ST7: variants seen among roughly 807,000 people sequenced by gnomAD.
ST7 encodes the protein suppression of tumorigenicity 7.
ST7 carries 28 observed loss-of-function variants against 78.7 expected under a neutral mutation model. That is an observed-to-expected ratio of 0.36 (90% CI 0.26 to 0.49). ST7 has a LOEUF of 0.49. ST7 is among the 20% of genes least tolerant of loss of function. The probability of loss-of-function intolerance (pLI) is 0.99; values close to 1 mark genes in which losing one functional copy is unlikely to be tolerated. For synonymous variants in ST7, 247 were observed against 249.6 expected, an observed-to-expected ratio of 0.99 and a Z score of 0.10; for missense variants, 418 against 696.0, an observed-to-expected ratio of 0.60 and a Z score of 4.49.
intron 1 of ST7, among the ~76,000 whole-genome samples, chr7:117,029,589 T>C (rs1796370782): frequency 6.6e-6 from 1 of 152,112 alleles, no homozygotes; most frequent in Non-Finnish European, 1.5e-5. Flanking sequence ...TGAAGTCCAG[T>C]TTATCAATTT....
intron 9 of ST7, among the ~76,000 whole-genome samples, chr7:117,152,200 T>TATAC (rs1806332326): frequency 1.3e-5 from 1 of 75,134 alleles, no homozygotes; most frequent in Non-Finnish European, 2.8e-5. Context: ...TATATATATA[T>TATAC]ATATATATAT....
chr7:117,134,352 T>C (rs1804611495), intron 7 of ST7, among the ~76,000 whole-genome samples, 160 bp downstream of exon 7: 1 of 151,968 alleles, frequency 6.6e-6, no homozygotes, highest in African/African-American at 2.4e-5. Context: ...AGCTGAGCAG[T>C]CTGTTCTGTA....
At chr7:117,024,976 G>T (rs1796115668) in intron 1 of ST7, among the ~76,000 whole-genome samples, 2 of 152,144 alleles carry the variant, frequency 1.3e-5, no homozygotes, top group South Asian at 2.1e-4. Context: ...TTTTAATAGG[G>T]AGTATGGTAC....
chr7:117,229,331 TGCCATTTCCATTTAAA>T (rs991640947), intron 15 of ST7, among the ~76,000 whole-genome samples: 4 of 151,904 alleles, frequency 2.6e-5, no homozygotes, highest in Admixed American at 6.6e-5. Flanking sequence ...CCTGTAAAAT[TGCCATTTCCATTTAAA>T]GTGAGCTCTA....
At chr7:117,169,633 A>C (rs1304668703) in intron 9 of ST7, among the ~76,000 whole-genome samples, 1 of 151,976 alleles carries the variant, frequency 6.6e-6, no homozygotes, top group Non-Finnish European at 1.5e-5. Context: ...TTGCTCCTTG[A>C]ATTTTATTGA....
At chr7:117,020,636 A>T (rs1044168794) in intron 1 of ST7, 1 of 1,551,002 alleles carries the variant, frequency 6.4e-7, no homozygotes, top group Admixed American at 2.0e-5. Context: ...TCATGTAAGT[A>T]AATGGATCCC....
At chr7:117,215,595 A>T (rs1445048018) in intron 13 of ST7, among the ~76,000 whole-genome samples, 1 of 152,242 alleles carries the variant, frequency 6.6e-6, no homozygotes, top group African/African-American at 2.4e-5. Context: ...AGGGACACAG[A>T]TTAACGACCC....
At chr7:117,187,003 A>G (rs895482565) in intron 10 of ST7, among the ~76,000 whole-genome samples, 15 of 152,238 alleles carry the variant, frequency 9.9e-5, no homozygotes, top group African/African-American at 3.6e-4. Context: ...AAAAATATGC[A>G]TCATTTTCAA....
At chr7:117,218,971 C>A (rs1259294097) in intron 13 of ST7, 113 bp from the exon 14 acceptor site, 3 of 761,918 alleles carry the variant, frequency 3.9e-6, no homozygotes, top group Non-Finnish European at 6.6e-6. Context: ...GTAAGCCTTG[C>A]CTCCTTTGTA....
At chr7:117,198,606 GC>G (rs1328899875) in intron 12 of ST7, 1 of 240,428 alleles carries the variant, frequency 4.2e-6, no homozygotes, top group African/African-American at 2.3e-5. Flanking sequence ...CTTGTTCTGA[GC>G]CTGGTACCAT....
chr7:117,032,526 CTT>C (rs1370937271), intron 1 of ST7, among the ~76,000 whole-genome samples: 2 of 152,066 alleles, frequency 1.3e-5, no homozygotes, highest in Non-Finnish European at 2.9e-5. Context: ...TGAAACCAGA[CTT>C]TTCTCTAAAA....
intron 6 of ST7, 96 bp from the exon 7 acceptor site, chr7:117,134,028 T>A: frequency 1.3e-5 from 20 of 1,507,264 alleles, no homozygotes; most frequent in Non-Finnish European, 1.8e-5. Context: ...CACCTTCCCC[T>A]CTTTGATTAC....
chr7:117,032,039 G>T (rs566834446), intron 1 of ST7, among the ~76,000 whole-genome samples: 1 of 151,576 alleles, frequency 6.6e-6, no homozygotes, highest in East Asian at 1.9e-4. Flanking sequence ...ATGCCACCAC[G>T]TGTGGCTAAT....
At chr7:117,084,405 G>C (rs17139321) in intron 1 of ST7, among the ~76,000 whole-genome samples, 8,822 of 152,202 alleles carry the variant, frequency 0.058, 350 homozygotes, top group East Asian at 0.14. Flanking sequence ...GGAAATACCT[G>C]TGAACACATG....
At chr7:117,114,962 C>T (rs1412879730) in intron 2 of ST7, among the ~76,000 whole-genome samples, 1 of 152,168 alleles carries the variant, frequency 6.6e-6, no homozygotes, top group Non-Finnish European at 1.5e-5. Flanking sequence ...CCCCAGTGCT[C>T]CTTGGTTATC....
intron 9 of ST7, among the ~76,000 whole-genome samples, chr7:117,158,835 C>A (rs116718647): frequency 6.6e-6 from 1 of 152,126 alleles, no homozygotes. Flanking sequence ...TTTCTATTTT[C>A]TATTTATGCC....
chr7:116,983,048 G>C (rs536725593), intron 1 of ST7, among the ~76,000 whole-genome samples: 1 of 152,170 alleles, frequency 6.6e-6, no homozygotes, highest in East Asian at 1.9e-4. Context: ...ACAGGCATAT[G>C]CCACCACGCC....
intron 15 of ST7, chr7:117,222,724 C>T: frequency 1.4e-6 from 1 of 713,378 alleles, no homozygotes. Flanking sequence ...ACTGATCTTG[C>T]CACAGATGAG....
intron 1 of ST7, among the ~76,000 whole-genome samples, chr7:117,022,023 A>G (rs1190222989): frequency 1.4e-5 from 2 of 148,106 alleles, no homozygotes; most frequent in Admixed American, 1.4e-4. Flanking sequence ...TGGTTTAGCC[A>G]AAAATGGAAG....
Sources: allele counts gnomAD v4.1 joint callset (sites outside exome capture counted in the v4.1 genomes callset), GRCh38; gene constraint gnomAD v4.1.1; transcripts MANE v1.5; gene names NCBI Gene and HGNC (gene_info 2026-07-23, HGNC 2026-07-21).